Variants in CFAP96 observed in about 807,000 individuals in gnomAD.
CFAP96 encodes the protein cilia and flagella associated protein 96, also known as cilia-and flagella-associated protein 96.
the CFAP96 span, among the ~76,000 whole-genome samples, chr4:185,423,379 G>A: frequency 3.3e-3 from 497 of 152,318 alleles, 5 homozygotes; most frequent in African/African-American, 0.011. Flanking sequence ...AACTCATACT[G>A]AGGGTGGGAT....
the CFAP96 span, among the ~76,000 whole-genome samples, chr4:185,411,985 A>T: frequency 6.6e-6 from 1 of 152,250 alleles, no homozygotes; most frequent in East Asian, 1.9e-4. Flanking sequence ...GAAGGAAATG[A>T]TGAACACAAA....
chr4:185,442,889 A>G, the CFAP96 span, among the ~76,000 whole-genome samples: 3 of 152,176 alleles, frequency 2.0e-5, no homozygotes, highest in Non-Finnish European at 4.4e-5. Context: ...GCTGTGTTGT[A>G]TTAATCTTAA....
At chr4:185,413,612 A>G in the CFAP96 span, 3 of 1,052,038 alleles carry the variant, frequency 2.9e-6, no homozygotes, top group East Asian at 5.2e-5. Context: ...TGGGTGATAA[A>G]TCATGTTTTA....
chr4:185,414,766 A>C, the CFAP96 span, among the ~76,000 whole-genome samples: 1 of 152,174 alleles, frequency 6.6e-6, no homozygotes, highest in South Asian at 2.1e-4. Flanking sequence ...GAATTAGCAT[A>C]AGTTATCATT....
At chr4:185,436,743 A>AATAATAATAATAATT in the CFAP96 span, among the ~76,000 whole-genome samples, 1 of 148,662 alleles carries the variant, frequency 6.7e-6, no homozygotes, top group Admixed American at 6.7e-5. Context: ...TAATAATAAT[A>AATAATAATAATAATT]ATTCACTTGA....
chr4:185,422,783 TG>T, the CFAP96 span, among the ~76,000 whole-genome samples: 1 of 152,214 alleles, frequency 6.6e-6, no homozygotes, highest in African/African-American at 2.4e-5. Context: ...TGAAATCACC[TG>T]GGGAGCTTGA....
chr4:185,442,250 AT>A, the CFAP96 span, among the ~76,000 whole-genome samples: 1 of 152,188 alleles, frequency 6.6e-6, no homozygotes, highest in East Asian at 1.9e-4. Context: ...GAACTTTGAT[AT>A]TTTGTTATAA....
At chr4:185,416,903 C>T in the CFAP96 span, among the ~76,000 whole-genome samples, 5 of 152,134 alleles carry the variant, frequency 3.3e-5, no homozygotes, top group Non-Finnish European at 4.4e-5. Flanking sequence ...AGAAAAATCA[C>T]CACTTTGTAA....
chr4:185,447,849 A>G, the CFAP96 span, among the ~76,000 whole-genome samples: 1 of 152,228 alleles, frequency 6.6e-6, no homozygotes, highest in Non-Finnish European at 1.5e-5. Context: ...TAAACTATGC[A>G]ATTAATACAA....
the CFAP96 span, chr4:185,426,184 G>A: frequency 2.3e-6 from 1 of 431,728 alleles, no homozygotes; most frequent in East Asian, 3.9e-5. Flanking sequence ...CCCACAGCGT[G>A]CTTGGAATGG....
the CFAP96 span, among the ~76,000 whole-genome samples, chr4:185,423,300 G>A: frequency 1.3e-5 from 2 of 152,216 alleles, no homozygotes; most frequent in Non-Finnish European, 2.9e-5. Flanking sequence ...CAACAGTAAA[G>A]AACTAGTTTA....
chr4:185,449,799 CTAG>C, the CFAP96 span: 1 of 507,922 alleles, frequency 2.0e-6, no homozygotes, highest in Non-Finnish European at 3.5e-6. Context: ...TTTAATACTA[CTAG>C]TTAATAAATA....
chr4:185,408,536 G>T, the CFAP96 span: 2 of 1,191,644 alleles, frequency 1.7e-6, no homozygotes, highest in Non-Finnish European at 2.3e-6. Context: ...GAGTTAGACT[G>T]TTACTTTAGT....
chr4:185,434,298 G>C, the CFAP96 span, among the ~76,000 whole-genome samples: 5 of 151,934 alleles, frequency 3.3e-5, no homozygotes. Flanking sequence ...TTGACACTTT[G>C]GATAGATTTG....
At chr4:185,422,359 GTACT>G in the CFAP96 span, 1 of 731,348 alleles carries the variant, frequency 1.4e-6, no homozygotes, top group Non-Finnish European at 2.3e-6. Context: ...CCCATTTAAT[GTACT>G]TACTAACAAT....
the CFAP96 span, chr4:185,425,829 A>G: frequency 1.3e-6 from 2 of 1,597,378 alleles, no homozygotes; most frequent in East Asian, 4.6e-5. Context: ...AAGTCCGGGG[A>G]AAAACACAGG....
the CFAP96 span, chr4:185,415,582 A>ATT: frequency 2.2e-6 from 2 of 893,090 alleles, no homozygotes; most frequent in Non-Finnish European, 3.3e-6. Flanking sequence ...TTTAATTAAT[A>ATT]GATGGCTCTT....
chr4:185,449,516 C>T, the CFAP96 span: 21 of 852,142 alleles, frequency 2.5e-5, no homozygotes, highest in Admixed American at 1.5e-4. Context: ...GAGCGAGACC[C>T]GGTCTTAAAA....
At chr4:185,418,700 A>G in the CFAP96 span, 1 of 1,613,970 alleles carries the variant, frequency 6.2e-7, no homozygotes, top group South Asian at 1.1e-5. Context: ...TTCTGAACAC[A>G]AGGGCGTTTG....
Sources: allele counts gnomAD v4.1 joint callset (sites outside exome capture counted in the v4.1 genomes callset), GRCh38; gene constraint gnomAD v4.1.1; transcripts MANE v1.5; gene names NCBI Gene and HGNC (gene_info 2026-07-23, HGNC 2026-07-21).